NAALADL2: variants seen among roughly 807,000 people sequenced by gnomAD.
NAALADL2 encodes the protein N-acetylated alpha-linked acidic dipeptidase like 2.
A neutral mutation model predicts 87.2 loss-of-function variants in NAALADL2; 76 were observed. The observed-to-expected ratio is 0.87, with a 90% CI of 0.72 to 1.05. The LOEUF is 1.05. Ranked by LOEUF, NAALADL2 falls within the 50% of genes least tolerant of loss-of-function variation. The probability of loss-of-function intolerance (pLI) is 0.00; values close to 1 mark genes in which losing one functional copy is unlikely to be tolerated. For missense variants in NAALADL2, 1,089 were observed against 945.8 expected (o/e 1.15, Z -1.99); for synonymous variants, 354 against 331.0 (o/e 1.07, Z -0.75).
At chr3:174,604,813 G>A (rs1378854009) in intron 2 of NAALADL2, among the ~76,000 whole-genome samples, 1 of 150,154 alleles carries the variant, frequency 6.7e-6, no homozygotes, top group African/African-American at 2.5e-5. Context: ...CTGTTGCCCA[G>A]GCTGGAGTGC....
intron 2 of NAALADL2, among the ~76,000 whole-genome samples, chr3:174,602,885 A>G (rs1718599592): frequency 6.6e-6 from 1 of 152,050 alleles, no homozygotes; most frequent in Admixed American, 6.6e-5. Context: ...TGAAATGATC[A>G]TATGGTTTTT....
intron 9 of NAALADL2, among the ~76,000 whole-genome samples, chr3:175,510,693 C>T (rs918071339): frequency 6.6e-6 from 1 of 152,136 alleles, no homozygotes; most frequent in Non-Finnish European, 1.5e-5. Flanking sequence ...TATTCAAGGA[C>T]ACACAGGAAG....
intron 1 of NAALADL2, among the ~76,000 whole-genome samples, chr3:174,988,684 AT>A (rs1746304673): frequency 6.6e-6 from 1 of 152,172 alleles, no homozygotes; most frequent in Non-Finnish European, 1.5e-5. Context: ...TTGTGACAGC[AT>A]AACTCTGATC....
chr3:174,925,663 G>A (rs1052912756), intron 1 of NAALADL2, among the ~76,000 whole-genome samples: 1 of 152,098 alleles, frequency 6.6e-6, no homozygotes, highest in Non-Finnish European at 1.5e-5. Context: ...ATTACCTTGG[G>A]CAGTATGGCC....
chr3:174,470,646 T>C (rs1716838922), intron 1 of NAALADL2, among the ~76,000 whole-genome samples: 1 of 152,188 alleles, frequency 6.6e-6, no homozygotes, highest in Admixed American at 6.5e-5. Flanking sequence ...CCTCAGTTAG[T>C]TTTTGTATAT....
At chr3:175,684,339 AT>A (rs1735989430) in intron 11 of NAALADL2, among the ~76,000 whole-genome samples, 2 of 152,306 alleles carry the variant, frequency 1.3e-5, no homozygotes, top group African/African-American at 4.8e-5. Context: ...TTTAACTTAA[AT>A]AATACCCTTC....
At chr3:174,974,680 T>C (rs888345888) in intron 1 of NAALADL2, among the ~76,000 whole-genome samples, 1 of 152,124 alleles carries the variant, frequency 6.6e-6, no homozygotes, top group Non-Finnish European at 1.5e-5. Flanking sequence ...TGCTTGAAAA[T>C]GGAGCTGATA....
chr3:175,330,112 A>C (rs943524976), intron 5 of NAALADL2, among the ~76,000 whole-genome samples: 1 of 152,206 alleles, frequency 6.6e-6, no homozygotes, highest in Non-Finnish European at 1.5e-5. Flanking sequence ...TTAAGAACTA[A>C]AGTTTCCACA....
intron 6 of NAALADL2, among the ~76,000 whole-genome samples, chr3:175,462,746 T>C (rs1162968356): frequency 1.3e-5 from 2 of 152,178 alleles, no homozygotes; most frequent in Non-Finnish European, 2.9e-5. Flanking sequence ...TTTGGTGTCT[T>C]TGCCTTATTT....
At chr3:175,405,122 A>G (rs1041813741) in intron 5 of NAALADL2, among the ~76,000 whole-genome samples, 1 of 152,172 alleles carries the variant, frequency 6.6e-6, no homozygotes, top group African/African-American at 2.4e-5. Flanking sequence ...TAAGCTGCAC[A>G]TGTCTATATT....
intron 7 of NAALADL2, among the ~76,000 whole-genome samples, chr3:175,466,066 TCA>T (rs1234061280): frequency 6.6e-6 from 1 of 152,154 alleles, no homozygotes; most frequent in African/African-American, 2.4e-5. Context: ...CTTTCCAAGG[TCA>T]CACAACTAGT....
At chr3:174,662,883 G>T (rs1210746349) in intron 2 of NAALADL2, among the ~76,000 whole-genome samples, 5 of 152,174 alleles carry the variant, frequency 3.3e-5, no homozygotes, top group African/African-American at 1.2e-4. Flanking sequence ...CAGTCTTCAT[G>T]ATGTTATCAG....
intron 9 of NAALADL2, among the ~76,000 whole-genome samples, chr3:175,507,284 A>C (rs1027223708): frequency 6.6e-6 from 1 of 152,048 alleles, no homozygotes; most frequent in Non-Finnish European, 1.5e-5. Context: ...TCCAATTTGC[A>C]CTTTTGTGCA....
chr3:174,659,448 C>T (rs750560088), intron 2 of NAALADL2, among the ~76,000 whole-genome samples: 3 of 152,146 alleles, frequency 2.0e-5, no homozygotes, highest in African/African-American at 7.2e-5. Flanking sequence ...CAAGACTGAA[C>T]CCTTAAAGGT....
chr3:175,519,646 T>C (rs559326073), intron 9 of NAALADL2, among the ~76,000 whole-genome samples: 10 of 152,322 alleles, frequency 6.6e-5, no homozygotes, highest in African/African-American at 1.4e-4. Flanking sequence ...ATCATGATGA[T>C]GAAATCCAAA....
rs561309709 is a variant in NAALADL2, at chr3:175,696,537, C to T, written c.1897-40769C>T. ...TCCAGAGATGCAAACACTTTTTTTT[C>T]ATGGCCCTTTATTGTAGGATATACA... On this transcript the variant is annotated intron_variant, in intron 11 of 13. Coordinates refer to ENST00000454872, the MANE Select transcript of NAALADL2 (RefSeq NM_207015.3). Among the ~76,000 whole-genome samples, 11 of 151,820 alleles carry T rather than the reference C, an allele frequency of 7.2e-5. No homozygotes were observed. The East Asian group carries it at 2.1e-3, about 29-fold the overall frequency.
At chr3:175,487,736 A>G (rs1481153133) in intron 9 of NAALADL2, 1 of 291,878 alleles carries the variant, frequency 3.4e-6, no homozygotes, top group Non-Finnish European at 6.8e-6. Flanking sequence ...TGTCTGAACA[A>G]CTTAATGTAA....
At chr3:174,580,919 C>T (rs185886876) in intron 2 of NAALADL2, among the ~76,000 whole-genome samples, 36 of 152,072 alleles carry the variant, frequency 2.4e-4, no homozygotes, top group African/African-American at 6.0e-4. Flanking sequence ...AAATGTTTTC[C>T]GAAGTGGTTG....
At chr3:175,024,587 A>G (rs1305484999) in intron 1 of NAALADL2, among the ~76,000 whole-genome samples, 1 of 152,124 alleles carries the variant, frequency 6.6e-6, no homozygotes, top group African/African-American at 2.4e-5. Flanking sequence ...ATATGTAAAA[A>G]TGTTCACTAT....
Sources: gnomAD v4.1 joint callset for allele counts (sites outside exome capture counted in the v4.1 genomes callset) on GRCh38, gnomAD v4.1.1 for gene constraint, MANE v1.5 for transcripts, NCBI Gene and HGNC (gene_info 2026-07-23, HGNC 2026-07-21) for gene names.